Variants in RBM19 observed in about 807,000 individuals in gnomAD.
RBM19 encodes RNA binding motif protein 19.
RBM19 carries 94 observed loss-of-function variants against 116.8 expected under a neutral mutation model. The ratio of observed to expected loss-of-function variants is 0.80; its 90% CI spans 0.68 to 0.95. The LOEUF is 0.95. Among genes scored for constraint, RBM19 ranks in the 40% least tolerant of loss-of-function variants. The probability of loss-of-function intolerance (pLI) is 0.00; values close to 1 mark genes in which losing one functional copy is unlikely to be tolerated. For synonymous variants in RBM19, 475 were observed against 494.1 expected (o/e 0.96, Z 0.51); for missense variants, 1,161 against 1,220.7 (o/e 0.95, Z 0.73).
intron 22 of RBM19, among the ~76,000 whole-genome samples, chr12:113,847,580 G>A (rs1385302994): frequency 2.0e-5 from 3 of 151,994 alleles, no homozygotes; most frequent in Non-Finnish European, 1.5e-5. Context: ...TTCCATCCTC[G>A]TGCCAGGGTC....
At position 113,942,305 on chromosome 12, in the gene RBM19, C is replaced by A. The variant is rs780259452; in HGVS notation, c.1737+19G>T. ...TCTCCAGTGGCTGCTGGCTGGCTGG[C>A]GCCACCGAGAACACCCACCTGGCTG... On this transcript the variant is annotated intron_variant, in intron 14 of 23. Transcript: ENST00000261741. 7 of 1,585,620 alleles carry A rather than the reference C, an allele frequency of 4.4e-6. No individual in the cohort carries two copies. The highest frequency in any genetic ancestry group is 6.0e-6 in the Non-Finnish European group (7 of 1,172,136).
At chr12:113,884,162 T>G (rs1335271010) in intron 21 of RBM19, among the ~76,000 whole-genome samples, 1 of 149,554 alleles carries the variant, frequency 6.7e-6, no homozygotes, top group East Asian at 2.0e-4. Context: ...TGCAAGATTG[T>G]GGACCCAGCT....
chr12:113,940,200 G>A (rs773253024), intron 14 of RBM19, 40 bp from the exon 15 acceptor site: 71 of 1,581,680 alleles, frequency 4.5e-5, no homozygotes, highest in Non-Finnish European at 6.0e-5. Context: ...CCACAGGAGG[G>A]AGGAGGGTCC....
At chr12:113,865,362 T>C (rs1277894103) in intron 21 of RBM19, among the ~76,000 whole-genome samples, 1 of 152,204 alleles carries the variant, frequency 6.6e-6, no homozygotes, top group African/African-American at 2.4e-5. Flanking sequence ...GACCATCCTA[T>C]CTAACGTTGC....
intron 22 of RBM19, among the ~76,000 whole-genome samples, chr12:113,848,342 A>G (rs1428810204): frequency 1.3e-5 from 2 of 152,200 alleles, no homozygotes; most frequent in Admixed American, 6.5e-5. Context: ...GCTGAGTTCT[A>G]GTCCCTGCAG....
At chr12:113,843,753 G>A (rs904958449) in intron 23 of RBM19, among the ~76,000 whole-genome samples, 2 of 152,190 alleles carry the variant, frequency 1.3e-5, no homozygotes, top group African/African-American at 4.8e-5. Context: ...GTCCAGGGTG[G>A]AGCGATTCTT....
intron 4 of RBM19, among the ~76,000 whole-genome samples, 188 bp downstream of exon 4, chr12:113,959,677 T>TCCTCTCCAGGCTCCTC (rs1872308641): frequency 6.6e-6 from 1 of 151,898 alleles, no homozygotes; most frequent in African/African-American, 2.4e-5. Flanking sequence ...CCAGCCTCCA[T>TCCTCTCCAGGCTCCTC]CCTCTCCAGC....
At chr12:113,860,539 C>T (rs1196331008) in intron 21 of RBM19, among the ~76,000 whole-genome samples, 1 of 152,198 alleles carries the variant, frequency 6.6e-6, no homozygotes, top group Non-Finnish European at 1.5e-5. Flanking sequence ...AGCCTGAGAG[C>T]GTTCAGAGCT....
chr12:113,872,293 C>A (rs1460451864), intron 21 of RBM19, among the ~76,000 whole-genome samples: 1 of 149,042 alleles, frequency 6.7e-6, no homozygotes, highest in African/African-American at 2.4e-5. Context: ...GCCTGGCAAC[C>A]ACCCCGTCTG....
chr12:113,946,592 C>T, intron 11 of RBM19, 117 bp from the exon 12 acceptor site: 2 of 1,396,948 alleles, frequency 1.4e-6, no homozygotes, highest in Non-Finnish European at 2.0e-6. Context: ...AAACCCTGAC[C>T]AGAGGGTGGG....
At chr12:113,882,550 G>A (rs561883138) in intron 21 of RBM19, among the ~76,000 whole-genome samples, 5 of 152,374 alleles carry the variant, frequency 3.3e-5, no homozygotes, top group African/African-American at 1.2e-4. Context: ...GACTGGCACA[G>A]CCTGCTCAGT....
chr12:113,827,041 C>A (rs1042890963), intron 23 of RBM19, among the ~76,000 whole-genome samples: 3 of 152,178 alleles, frequency 2.0e-5, no homozygotes, highest in Admixed American at 6.5e-5. Context: ...CCGAATGACA[C>A]CCCGCACCTC....
At position 113,853,112 on chromosome 12, in the gene RBM19, C is replaced by T. The variant is rs76924658; in HGVS notation, c.2664+5679G>A. Among the ~76,000 whole-genome samples the T allele has an allele frequency of 6.6e-3, 1,003 of 152,354 alleles. 12 individuals carry two copies. Among genetic ancestry groups the T allele is most frequent in the African/African-American group, 0.022 (931 of 41,590 alleles). On this transcript the variant is annotated intron_variant, in intron 22 of 23. Transcript: ENST00000261741. ...AGAACACTCCTCGAGAGGCCCAGTG[C>T]GAGCTTCTGCCAAAACACTGGCATC...
chr12:113,853,805 G>C (rs896952352), intron 22 of RBM19, among the ~76,000 whole-genome samples: 2 of 152,214 alleles, frequency 1.3e-5, no homozygotes, highest in Non-Finnish European at 2.9e-5. Context: ...GTGCTAGTGG[G>C]GGCAGCTGAC....
At chr12:113,913,959 G>C (rs1299183232) in intron 21 of RBM19, among the ~76,000 whole-genome samples, 1 of 152,162 alleles carries the variant, frequency 6.6e-6, no homozygotes, top group Non-Finnish European at 1.5e-5. Flanking sequence ...CCATGCCTTG[G>C]GTGGGGGGGC....
chr12:113,879,115 T>A (rs1244948536), intron 21 of RBM19, among the ~76,000 whole-genome samples: 1 of 152,128 alleles, frequency 6.6e-6, no homozygotes, highest in Non-Finnish European at 1.5e-5. Flanking sequence ...TGGCCACCCA[T>A]CCTGCCCTGG....
intron 23 of RBM19, among the ~76,000 whole-genome samples, chr12:113,838,087 G>A (rs141765336): frequency 3.0e-4 from 46 of 152,292 alleles, no homozygotes; most frequent in African/African-American, 9.9e-4. Flanking sequence ...TTTACCCAAC[G>A]ATTCCAGTTC....
intron 21 of RBM19, among the ~76,000 whole-genome samples, chr12:113,897,754 G>C (rs1049002632): frequency 3.9e-5 from 6 of 152,208 alleles, no homozygotes; most frequent in Admixed American, 1.3e-4. Flanking sequence ...GCAGATTACA[G>C]TACTGACCAT....
intron 21 of RBM19, 119 bp from the exon 22 acceptor site, chr12:113,859,015 G>A (rs930299204): frequency 1.4e-5 from 12 of 837,892 alleles, no homozygotes; most frequent in African/African-American, 5.0e-5. Flanking sequence ...AGTGCATGCA[G>A]GCACACACAC....
Sources: allele counts gnomAD v4.1 joint callset (sites outside exome capture counted in the v4.1 genomes callset), GRCh38; gene constraint gnomAD v4.1.1; transcripts MANE v1.5; gene names NCBI Gene and HGNC (gene_info 2026-07-23, HGNC 2026-07-21).